The following GSTO2 variants were observed in gnomAD, a reference collection of about 807,000 sequenced individuals.
The protein encoded by GSTO2 is glutathione S-transferase omega 2.
A neutral mutation model predicts 28.4 loss-of-function variants in GSTO2; 23 were observed. The ratio of observed to expected loss-of-function variants is 0.81; its 90% confidence interval spans 0.58 to 1.15. The LOEUF (loss-of-function observed/expected upper bound fraction) is 1.15, where lower values mean the gene tolerates loss of function less well. GSTO2 is among the 50% of genes most tolerant of loss of function. The probability of loss-of-function intolerance (pLI) is 0.00; values close to 1 mark genes in which losing one functional copy is unlikely to be tolerated. For synonymous variants in GSTO2, 109 were observed against 111.0 expected, an observed-to-expected ratio of 0.98 and a Z score of 0.11; for missense variants, 298 against 297.8, an observed-to-expected ratio of 1.00 and a Z score of 0.00.
intron 5 of GSTO2, 140 bp from the exon 6 acceptor site, chr10:104,297,438 G>A (rs564700318): frequency 2.5e-4 from 143 of 562,870 alleles, no homozygotes; most frequent in African/African-American, 2.3e-3. Flanking sequence ...AAGAGAAGAA[G>A]CATTCTCCTA....
chr10:104,280,033 A>G (rs897900402), intron 5 of GSTO2, among the ~76,000 whole-genome samples: 1 of 151,750 alleles, frequency 6.6e-6, no homozygotes, highest in Non-Finnish European at 1.5e-5. Flanking sequence ...AGGCATAACG[A>G]TGTATACCTG....
intron 5 of GSTO2, among the ~76,000 whole-genome samples, chr10:104,289,270 A>T (rs1217405868): frequency 6.6e-6 from 1 of 151,916 alleles, no homozygotes; most frequent in Non-Finnish European, 1.5e-5. Flanking sequence ...AATTTTGTGT[A>T]TTTTTTGTAG....
chr10:104,286,744 G>A (rs2012453157), intron 5 of GSTO2, among the ~76,000 whole-genome samples: 1 of 152,050 alleles, frequency 6.6e-6, no homozygotes, highest in African/African-American at 2.4e-5. Context: ...AATATTTGCT[G>A]TACTTCTTTC....
chr10:104,301,163 G>C lies in GSTO2; in HGVS notation c.*1879G>C, dbSNP rs1404154164. 1 of 152,196 alleles carries C rather than the reference G, an allele frequency of 6.6e-6. No homozygotes were observed. The highest frequency in any genetic ancestry group is 1.5e-5 in the Non-Finnish European group (1 of 68,046). The allele number at this position is 152,196 out of a possible 1,614,324, so 9.4% of individuals were successfully genotyped here. A position where few individuals can be genotyped will look rare whatever the true frequency, so the allele number is the denominator to read the frequency against. ...GGCCTCTCATAGGACTTAGGAGATT[G>C]ATCAGCCTTTTGCCGGTACAAATCC... On this transcript the variant is annotated 3_prime_UTR_variant, in exon 7 of 7. Coordinates refer to ENST00000338595, the MANE Select transcript of GSTO2 (RefSeq NM_183239.2).
intron 6 of GSTO2, 22 bp from the exon 7 acceptor site, chr10:104,299,106 A>ACG (rs756867446): frequency 1.2e-6 from 2 of 1,608,748 alleles, no homozygotes; most frequent in South Asian, 2.2e-5. Context: ...CACTGTGCTG[A>ACG]CGCTTCTTTC....
At chr10:104,290,544 C>T (rs1277776629) in intron 5 of GSTO2, among the ~76,000 whole-genome samples, 1 of 151,608 alleles carries the variant, frequency 6.6e-6, no homozygotes, top group African/African-American at 2.4e-5. Context: ...TACATATACA[C>T]AATGGAGTAC....
intron 6 of GSTO2, 119 bp from the exon 7 acceptor site, chr10:104,299,009 C>T: frequency 2.3e-6 from 2 of 888,544 alleles, no homozygotes; most frequent in Non-Finnish European, 1.7e-6. Flanking sequence ...AATAAGATAA[C>T]TAAGATAACT....
intron 5 of GSTO2, among the ~76,000 whole-genome samples, chr10:104,283,501 C>T (rs915877335): frequency 6.6e-5 from 10 of 152,318 alleles, no homozygotes; most frequent in Non-Finnish European, 1.0e-4. Flanking sequence ...CAGTGCGGGT[C>T]TGTAGTCCCA....
chr10:104,294,402 A>G (rs1029572562), intron 5 of GSTO2, among the ~76,000 whole-genome samples: 1 of 152,188 alleles, frequency 6.6e-6, no homozygotes, highest in African/African-American at 2.4e-5. Context: ...GAACTCTCCT[A>G]TCGAGAGTCC....
chr10:104,282,768 C>G (rs1184522017), intron 5 of GSTO2, among the ~76,000 whole-genome samples: 1 of 152,002 alleles, frequency 6.6e-6, no homozygotes, highest in African/African-American at 2.4e-5. Context: ...AAGTTTGTGG[C>G]CGGTAAATGT....
chr10:104,293,108 T>C (rs1217727104), intron 5 of GSTO2, among the ~76,000 whole-genome samples: 1 of 152,234 alleles, frequency 6.6e-6, no homozygotes. Flanking sequence ...ATAATGACTA[T>C]GTTGGAATGT....
rs1000323864 is a variant in GSTO2 at position 104,275,583 on chromosome 10, G to T, written c.143+249G>T. 2.0e-5 allele frequency among the ~76,000 whole-genome samples: 3 copies of T among 152,146 alleles called. 1 individual carries two copies. Among genetic ancestry groups the T allele is most frequent in the Admixed American group, 1.3e-4 (2 of 15,280 alleles). ...AGCGCAGAGTAATGTGAATGATGGG[G>T]CTGGTGAACTGGTTCCCTCCCAGAA... On this transcript the variant is annotated intron_variant, in intron 3 of 6. Coordinates refer to ENST00000338595, the MANE Select transcript of GSTO2 (RefSeq NM_183239.2).
Position 104,304,372 on chromosome 10 carries a change from T to C in GSTO2, c.*5088T>C, listed in dbSNP as rs1017396015. The C allele has an allele frequency of 3.3e-5, 5 of 152,148 alleles. No homozygotes were observed. The highest frequency in any genetic ancestry group is 1.2e-4 in the African/African-American group (5 of 41,418). The allele number at this position is 152,148 out of a possible 1,614,324, so 9.4% of individuals were successfully genotyped here. On this transcript the variant is annotated 3_prime_UTR_variant, in exon 7 of 7. Coordinates refer to ENST00000338595, the MANE Select transcript of GSTO2 (RefSeq NM_183239.2). Reference sequence around the variant, plus strand: ...GCCCTCTGTTTTTTTTTCCAACCAGTCTTTTCTCTTGCAAAGTTCAGATCA... The same window carrying C: ...GCCCTCTGTTTTTTTTTCCAACCAGCCTTTTCTCTTGCAAAGTTCAGATCA...
intron 5 of GSTO2, among the ~76,000 whole-genome samples, chr10:104,292,673 C>T (rs897106896): frequency 6.6e-6 from 1 of 152,104 alleles, no homozygotes; most frequent in Non-Finnish European, 1.5e-5. Flanking sequence ...CCACGCTAGT[C>T]TCGAACTCCT....
chr10:104,272,480 A>G (rs2011450606), intron 1 of GSTO2, among the ~76,000 whole-genome samples: 1 of 151,278 alleles, frequency 6.6e-6, no homozygotes, highest in South Asian at 2.1e-4. Context: ...TCAAACTTCC[A>G]GGGTTCCTAG....
rs886606625 is a variant in GSTO2, at chr10:104,301,499, C to T, written c.*2215C>T. On this transcript the variant is annotated 3_prime_UTR_variant, in exon 7 of 7. Transcript: ENST00000338595. Reference sequence around the variant, plus strand: ...TCTCGCTTCTTTGTCACTTGTCTGACCCACAGAGAAAACTGAGTTATCAAT... The same window carrying T: ...TCTCGCTTCTTTGTCACTTGTCTGATCCACAGAGAAAACTGAGTTATCAAT... The T allele has an allele frequency of 1.3e-5, 2 of 152,012 alleles. No individual in the cohort carries two copies. The highest frequency in any genetic ancestry group is 4.8e-5 in the African/African-American group (2 of 41,362). The allele number at this position is 152,012 out of a possible 1,614,324, so 9.4% of individuals were successfully genotyped here.
At chr10:104,279,533 C>G in intron 5 of GSTO2, 62 bp downstream of exon 5, 2 of 1,115,188 alleles carry the variant, frequency 1.8e-6, no homozygotes. Context: ...GGGTCGCTAA[C>G]CTGGTCACTC....
intron 5 of GSTO2, chr10:104,295,366 A>C (rs933461656): frequency 2.0e-5 from 3 of 152,198 alleles, no homozygotes; most frequent in African/African-American, 7.2e-5. Context: ...GGACTTCTCT[A>C]TGCCACACTG....
In GSTO2 at chr10:104,300,855, C is replaced by T. The variant is rs2013237512; in HGVS notation, c.*1571C>T. 1.3e-5 allele frequency: 2 copies of T among 152,662 alleles called. No individual in the cohort carries two copies. The highest frequency in any genetic ancestry group is 2.4e-5 in the African/African-American group (1 of 41,462). The allele number at this position is 152,662 out of a possible 1,614,324, so 9.5% of individuals were successfully genotyped here. ...AGCCCAAATCAGCCCTCCTCTCTCCCCACGTCTCAGTCTGGCCCTGCCATC... is the reference window on the plus strand; with the variant it reads ...AGCCCAAATCAGCCCTCCTCTCTCCTCACGTCTCAGTCTGGCCCTGCCATC... On this transcript the variant is annotated 3_prime_UTR_variant, in exon 7 of 7. Transcript: ENST00000338595.
Sources: allele counts gnomAD v4.1 joint callset (sites outside exome capture counted in the v4.1 genomes callset), GRCh38; gene constraint gnomAD v4.1.1; transcripts MANE v1.5; gene names NCBI Gene and HGNC (gene_info 2026-07-23, HGNC 2026-07-21).